Variants in CNTNAP2 observed in about 807,000 individuals in gnomAD.
The protein encoded by CNTNAP2 is contactin-associated protein-like 2.
Under a neutral mutation model 155.2 loss-of-function variants are expected in CNTNAP2, and 98 were observed. The ratio of observed to expected loss-of-function variants is 0.63; its 90% CI spans 0.54 to 0.75. The LOEUF is 0.75. Ranked by LOEUF, CNTNAP2 falls within the 30% of genes least tolerant of loss-of-function variation. The pLI is 0.00. For synonymous variants in CNTNAP2, 651 were observed against 631.2 expected (o/e 1.03, Z -0.47); for missense variants, 1,727 against 1,688.1 (o/e 1.02, Z -0.40).
At chr7:148,300,507 G>C (rs1055177313) in intron 21 of CNTNAP2, among the ~76,000 whole-genome samples, 10 of 147,426 alleles carry the variant, frequency 6.8e-5, no homozygotes, top group African/African-American at 2.5e-4. Context: ...GGCTAGCTAA[G>C]ATTATAATCA....
At chr7:146,766,949 A>G (rs1251561724) in intron 1 of CNTNAP2, among the ~76,000 whole-genome samples, 1 of 152,202 alleles carries the variant, frequency 6.6e-6, no homozygotes, top group East Asian at 1.9e-4. Flanking sequence ...GAGATATAGT[A>G]AAAAGAAAAA....
intron 15 of CNTNAP2, among the ~76,000 whole-genome samples, chr7:148,048,260 G>A (rs1802811997): frequency 6.6e-6 from 1 of 152,072 alleles, no homozygotes; most frequent in Non-Finnish European, 1.5e-5. Context: ...ATTGACCTGG[G>A]ATGTGATCAA....
chr7:147,518,834 C>T (rs1799178513), intron 11 of CNTNAP2, among the ~76,000 whole-genome samples: 1 of 152,020 alleles, frequency 6.6e-6, no homozygotes, highest in Admixed American at 6.5e-5. Context: ...AGTTCTAGAC[C>T]AGCCTGGCCA....
At chr7:147,035,929 C>T (rs1799144949) in intron 3 of CNTNAP2, among the ~76,000 whole-genome samples, 1 of 152,130 alleles carries the variant, frequency 6.6e-6, no homozygotes, top group Non-Finnish European at 1.5e-5. Flanking sequence ...ATATAGTCTC[C>T]TCCAGTTTGA....
chr7:148,251,694 C>A (rs1307960908), intron 20 of CNTNAP2, among the ~76,000 whole-genome samples: 1 of 152,232 alleles, frequency 6.6e-6, no homozygotes, highest in Non-Finnish European at 1.5e-5. Flanking sequence ...AGCTAGCTTT[C>A]TCTTGGCCCA....
rs1264989528 is a variant in CNTNAP2, at chr7:147,945,512, T to C, written c.2256-32350T>C. ...TTGTGATTTAAAAGGATCAAGTATA[T>C]GGTTGAAGACTCAAAAAGCTTTTTA... On this transcript the variant is annotated intron_variant, in intron 14 of 23. Coordinates refer to ENST00000361727, the MANE Select transcript of CNTNAP2 (RefSeq NM_014141.6). Among the ~76,000 whole-genome samples, 4 of 152,108 alleles carry C rather than the reference T, an allele frequency of 2.6e-5. No homozygotes were observed. The East Asian group carries it at 7.7e-4, about 29-fold the overall frequency.
At chr7:148,271,953 T>C (rs539068700) in intron 21 of CNTNAP2, among the ~76,000 whole-genome samples, 9 of 152,250 alleles carry the variant, frequency 5.9e-5, no homozygotes, top group African/African-American at 2.2e-4. Context: ...AGGATCAGTT[T>C]CTGCTACTCA....
intron 15 of CNTNAP2, among the ~76,000 whole-genome samples, chr7:148,051,910 C>A (rs938925920): frequency 6.6e-6 from 1 of 152,048 alleles, no homozygotes; most frequent in Non-Finnish European, 1.5e-5. Flanking sequence ...GAGGCCGAGG[C>A]GGGTGGATCA....
chr7:146,123,396 C>T (rs1797590610), intron 1 of CNTNAP2, among the ~76,000 whole-genome samples: 2 of 152,194 alleles, frequency 1.3e-5, no homozygotes, highest in Admixed American at 1.3e-4. Context: ...TCACAACCTT[C>T]TTCATCTGCA....
chr7:146,912,754 A>T (rs1039403534), intron 3 of CNTNAP2, among the ~76,000 whole-genome samples: 1 of 152,152 alleles, frequency 6.6e-6, no homozygotes, highest in Non-Finnish European at 1.5e-5. Context: ...AGGCTTTAGT[A>T]CTATTTATTT....
intron 12 of CNTNAP2, among the ~76,000 whole-genome samples, chr7:147,625,669 C>A (rs1794956970): frequency 6.6e-6 from 1 of 152,140 alleles, no homozygotes; most frequent in African/African-American, 2.4e-5. Flanking sequence ...CAGTTCTCAC[C>A]TGGATGAACT....
At chr7:147,402,295 G>T (rs1160176606) in intron 10 of CNTNAP2, among the ~76,000 whole-genome samples, 6 of 152,164 alleles carry the variant, frequency 3.9e-5, no homozygotes, top group Non-Finnish European at 8.8e-5. Flanking sequence ...TGTCCCACCT[G>T]CTCCACCAAG....
intron 11 of CNTNAP2, among the ~76,000 whole-genome samples, chr7:147,507,279 A>G (rs2116681130): frequency 6.6e-6 from 1 of 152,284 alleles, no homozygotes; most frequent in African/African-American, 2.4e-5. Flanking sequence ...AGGGGTATGA[A>G]AATAAGGTAA....
chr7:147,505,229 A>G (rs1056319197), intron 11 of CNTNAP2, among the ~76,000 whole-genome samples: 2 of 152,192 alleles, frequency 1.3e-5, no homozygotes, highest in African/African-American at 4.8e-5. Flanking sequence ...GTTAATTTCA[A>G]GCTCCATTAG....
intron 2 of CNTNAP2, among the ~76,000 whole-genome samples, chr7:146,808,842 C>G (rs759592603): frequency 3.3e-5 from 5 of 152,114 alleles, no homozygotes; most frequent in African/African-American, 1.2e-4. Context: ...TAAAATGTCC[C>G]TCCAGTTCAT....
intron 2 of CNTNAP2, among the ~76,000 whole-genome samples, chr7:146,797,025 A>G (rs150335302): frequency 0.029 from 4,382 of 151,992 alleles, 93 homozygotes; most frequent in Non-Finnish European, 0.042. Flanking sequence ...AGTCCCAGCT[A>G]CTCTGGTGGC....
rs563427927 is a variant in CNTNAP2 at position 147,578,420 on chromosome 7, G to A, written c.1897+16163G>A. Among the ~76,000 whole-genome samples the A allele has an allele frequency of 1.9e-3, 287 of 152,112 alleles. 2 individuals are homozygous for A. Among genetic ancestry groups the A allele is most frequent in the Non-Finnish European group, 3.5e-3 (236 of 67,990 alleles). ...GCAATGTCATTAAAATGAATTTTTG[G>A]TGCCGGTTCAATTTGTCTTTGGCTC... is the stretch of plus-strand genomic sequence containing the variant. On this transcript the variant is annotated intron_variant, in intron 12 of 23. Transcript: ENST00000361727.
intron 1 of CNTNAP2, among the ~76,000 whole-genome samples, chr7:146,555,492 G>GTCTA (rs1207891120): frequency 0.014 from 1,193 of 84,646 alleles, 7 homozygotes; most frequent in Middle Eastern, 0.031. Context: ...TGTATCATCT[G>GTCTA]TCTGTCTATC....
intron 21 of CNTNAP2, among the ~76,000 whole-genome samples, chr7:148,356,391 C>A (rs1798515881): frequency 6.6e-6 from 1 of 152,186 alleles, no homozygotes; most frequent in Non-Finnish European, 1.5e-5. Context: ...CTTACAAAGT[C>A]TTCTTCAGTC....
Sources: allele counts gnomAD v4.1 joint callset (sites outside exome capture counted in the v4.1 genomes callset), GRCh38; gene constraint gnomAD v4.1.1; transcripts MANE v1.5; gene names NCBI Gene and HGNC (gene_info 2026-07-23, HGNC 2026-07-21).